Variants in NXN observed in about 807,000 individuals in gnomAD.
NXN encodes nucleoredoxin 1.
Under a neutral mutation model 48.6 loss-of-function variants are expected in NXN, and 16 were observed. That is an observed-to-expected ratio of 0.33 (90% CI 0.22 to 0.50). The LOEUF is 0.50. NXN is among the 20% of genes least tolerant of loss of function. The pLI, the probability that NXN is intolerant of heterozygous loss-of-function variation, is 0.98. For missense variants in NXN, 492 were observed against 605.5 expected, an observed-to-expected ratio of 0.81 and a Z score of 1.97; for synonymous variants, 281 against 269.6, an observed-to-expected ratio of 1.04 and a Z score of -0.41.
In NXN at chr17:920,834, TGCCTCAACCTCCC is replaced by T. The variant is rs1332123124; in HGVS notation, c.360+58472_360+58484del. 2.6e-5 allele frequency among the ~76,000 whole-genome samples: 4 copies of T among 151,910 alleles called. No individual in the cohort carries two copies. The highest frequency in any genetic ancestry group is 5.9e-5 in the Non-Finnish European group (4 of 67,988). ...GCCTCCCGGGTTCAAGCGATTCTCT[TGCCTCAACCTCCC>T]GAGTAGTTGGGATTACAGGCGCCCG... On this transcript the variant is annotated intron_variant, in intron 1 of 7. Coordinates refer to ENST00000336868, the MANE Select transcript of NXN (RefSeq NM_022463.5). The surrounding 1 kb of genome is among the most constrained non-coding windows in gnomAD (Gnocchi z 4.6).
At chr17:885,033 C>A (rs367998451) in intron 1 of NXN, among the ~76,000 whole-genome samples, 2 of 152,110 alleles carry the variant, frequency 1.3e-5, no homozygotes, top group African/African-American at 4.8e-5. Context: ...GTAAGAGGGA[C>A]ATCTAAGACC....
At chr17:945,585 C>T (rs1175096577) in intron 1 of NXN, among the ~76,000 whole-genome samples, 5 of 144,310 alleles carry the variant, frequency 3.5e-5, no homozygotes, top group African/African-American at 1.3e-4. Context: ...GAGCCGAGAT[C>T]GTGCCACTGC....
intron 1 of NXN, among the ~76,000 whole-genome samples, chr17:841,315 G>A (rs113738069): frequency 6.6e-6 from 1 of 152,180 alleles, no homozygotes; most frequent in African/African-American, 2.4e-5. Context: ...TGGACTAGAT[G>A]GTGATGAGAC....
At chr17:899,518 T>C (rs62070160) in intron 1 of NXN, among the ~76,000 whole-genome samples, 16,147 of 152,216 alleles carry the variant, frequency 0.11, 1,122 homozygotes, top group Non-Finnish European at 0.15. Context: ...AGCTTGCTTC[T>C]CTTTCCCGCA....
chr17:928,198 C>G, intron 1 of NXN, among the ~76,000 whole-genome samples: 1 of 152,230 alleles, frequency 6.6e-6, no homozygotes, highest in Middle Eastern at 3.4e-3. Context: ...CTCAAGAGCA[C>G]AGAGTCCAGG....
At chr17:870,702 C>G (rs2068142170) in intron 1 of NXN, among the ~76,000 whole-genome samples, 1 of 151,644 alleles carries the variant, frequency 6.6e-6, no homozygotes, top group South Asian at 2.1e-4. Context: ...TGCCAGTGAG[C>G]CCCGATTGTG....
intron 1 of NXN, among the ~76,000 whole-genome samples, chr17:839,366 C>G (rs140673836): frequency 3.4e-3 from 510 of 151,894 alleles, no homozygotes; most frequent in African/African-American, 0.012. Context: ...ACCTGGGAGG[C>G]GGAGGTTGCA....
chr17:933,961 G>A (rs1325110187), intron 1 of NXN, among the ~76,000 whole-genome samples: 5 of 152,158 alleles, frequency 3.3e-5, no homozygotes, highest in African/African-American at 1.2e-4. Flanking sequence ...AAATAAACAG[G>A]AGGGGAAATG....
chr17:831,689 C>G (rs1913483012), intron 1 of NXN, among the ~76,000 whole-genome samples: 2 of 151,798 alleles, frequency 1.3e-5, no homozygotes, highest in Admixed American at 6.6e-5. Context: ...TATTAGAGAA[C>G]CGGATTCACC....
chr17:976,626 G>A lies in NXN; in HGVS notation c.360+2693C>T, dbSNP rs184244659. On this transcript the variant is annotated intron_variant, in intron 1 of 7. Coordinates refer to ENST00000336868, the MANE Select transcript of NXN (RefSeq NM_022463.5). Reference sequence around the variant, plus strand: ...CAGTGCCCTCAGCTGGGAGAACTCCGGCTCTTCACTTGTTCTGATGGGGAA... The same window carrying A: ...CAGTGCCCTCAGCTGGGAGAACTCCAGCTCTTCACTTGTTCTGATGGGGAA... 3.7e-3 allele frequency among the ~76,000 whole-genome samples: 559 copies of A among 152,222 alleles called. 4 individuals are homozygous for A. The highest frequency in any genetic ancestry group is 6.5e-3 in the Non-Finnish European group (445 of 68,032).
intron 1 of NXN, among the ~76,000 whole-genome samples, chr17:944,949 TAC>T (rs1394297450): frequency 6.7e-6 from 1 of 149,476 alleles, no homozygotes; most frequent in Non-Finnish European, 1.5e-5. Context: ...GAAAACTGGG[TAC>T]ATAATGGATT....
At chr17:802,002 C>A (rs1301012459) in intron 7 of NXN, among the ~76,000 whole-genome samples, 3 of 152,362 alleles carry the variant, frequency 2.0e-5, no homozygotes, top group African/African-American at 7.2e-5. Flanking sequence ...AAGAAGCTGG[C>A]ACTTTATCCT....
intron 1 of NXN, among the ~76,000 whole-genome samples, chr17:835,120 AAC>A (rs1342706017): frequency 6.6e-6 from 1 of 151,344 alleles, no homozygotes; most frequent in East Asian, 2.0e-4. Flanking sequence ...CATCCTGGCT[AAC>A]ATGGTGAAAC....
chr17:822,857 TGG>T (rs1912890878), intron 3 of NXN, among the ~76,000 whole-genome samples: 1 of 152,186 alleles, frequency 6.6e-6, no homozygotes, highest in African/African-American at 2.4e-5. Flanking sequence ...CCCAGCACTT[TGG>T]GAGGCCAAGG....
intron 1 of NXN, among the ~76,000 whole-genome samples, chr17:950,619 G>A (rs75560021): frequency 1.8e-4 from 27 of 150,912 alleles, no homozygotes; most frequent in African/African-American, 3.9e-4. Context: ...TCCCCCGTCC[G>A]TTCCCCAAAA....
intron 1 of NXN, among the ~76,000 whole-genome samples, chr17:939,354 T>C: frequency 7.4e-6 from 1 of 134,606 alleles, no homozygotes; most frequent in East Asian, 2.0e-4. Flanking sequence ...CTTTTTTTTT[T>C]TTTTTTTGAG....
rs374188767 is a variant in NXN, at chr17:803,673, C to T, written c.1125+9G>A. On this transcript the variant is annotated intron_variant, in intron 7 of 7. Coordinates refer to ENST00000336868, the MANE Select transcript of NXN (RefSeq NM_022463.5). Reference sequence around the variant, plus strand: ...CCAGCCCTGGGCCAAGCCTCTCCTCCGCACTCACCTCCCCGGCTACGAAGA... The same window carrying T: ...CCAGCCCTGGGCCAAGCCTCTCCTCTGCACTCACCTCCCCGGCTACGAAGA... The T allele has an allele frequency of 6.2e-4, 999 of 1,614,078 alleles. 1 individual carries two copies. The highest frequency in any genetic ancestry group is 7.2e-4 in the Non-Finnish European group (845 of 1,179,980).
At chr17:904,155 C>T (rs2068561393) in intron 1 of NXN, among the ~76,000 whole-genome samples, 1 of 152,222 alleles carries the variant, frequency 6.6e-6, no homozygotes, top group Admixed American at 6.5e-5. Flanking sequence ...GTACATGCCT[C>T]ACCGCGTCGA....
chr17:945,001 AGAG>A (rs973112299), intron 1 of NXN, among the ~76,000 whole-genome samples: 283 of 152,288 alleles, frequency 1.9e-3, no homozygotes, highest in African/African-American at 6.6e-3. Flanking sequence ...AGGGCTCCGC[AGAG>A]GAGAATTCTC....
Sources: gnomAD v4.1 joint callset for allele counts (sites outside exome capture counted in the v4.1 genomes callset) on GRCh38, gnomAD v4.1.1 for gene constraint, Gnocchi (gnomAD v3.1) non-coding constraint, MANE v1.5 for transcripts, NCBI Gene and HGNC (gene_info 2026-07-23, HGNC 2026-07-21) for gene names.